The following CD84 variants were observed in gnomAD, a reference collection of about 807,000 sequenced individuals.
The protein encoded by CD84 is SLAM family member 5.
Under a neutral mutation model 33.8 loss-of-function variants are expected in CD84, and 22 were observed. That is an observed-to-expected ratio of 0.65 (90% CI 0.46 to 0.93). The LOEUF is 0.93. Among genes scored for constraint, CD84 ranks in the 40% least tolerant of loss-of-function variants. CD84 has a pLI of 0.00. For synonymous variants in CD84, 154 were observed against 145.2 expected (o/e 1.06, Z -0.44); for missense variants, 400 against 397.6 (o/e 1.01, Z -0.05).
At chr1:160,556,797 T>A (rs956193152) in intron 2 of CD84, among the ~76,000 whole-genome samples, 3 of 152,216 alleles carry the variant, frequency 2.0e-5, no homozygotes, top group Non-Finnish European at 2.9e-5. Flanking sequence ...TGTGTCCTAA[T>A]TGCACGTGGT....
chr1:160,554,698 T>C (rs981959697), intron 2 of CD84, among the ~76,000 whole-genome samples: 4 of 152,230 alleles, frequency 2.6e-5, no homozygotes, highest in African/African-American at 9.6e-5. Flanking sequence ...GAAGCTCCAA[T>C]ATATATGTCT....
intron 1 of CD84, chr1:160,571,250 G>GA (rs1482854604): frequency 6.6e-6 from 1 of 152,022 alleles, no homozygotes; most frequent in African/African-American, 2.4e-5. Context: ...GAGTAAGCCT[G>GA]AAGTCCACGA....
chr1:160,553,249 G>T (rs1267237846), intron 4 of CD84, 129 bp downstream of exon 4: 1 of 1,420,770 alleles, frequency 7.0e-7, no homozygotes, highest in Admixed American at 1.9e-5. Flanking sequence ...GGGAGGTGGT[G>T]GGGTGGAGAT....
chr1:160,579,303 A>G (rs1301261032), intron 1 of CD84, 89 bp downstream of exon 1: 1 of 1,585,086 alleles, frequency 6.3e-7, no homozygotes, highest in African/African-American at 1.3e-5. Flanking sequence ...CTAAACACAG[A>G]TCAAAAAGAC....
chr1:160,575,454 C>A (rs1657939801), intron 1 of CD84, among the ~76,000 whole-genome samples: 1 of 151,356 alleles, frequency 6.6e-6, no homozygotes, highest in African/African-American at 2.4e-5. Flanking sequence ...TTTATATCAC[C>A]TTTATTGGGA....
At position 160,542,358 on chromosome 1, in the gene CD84, A is replaced by G. The variant is rs1655584889; in HGVS notation, c.*5898T>C. On this transcript the variant is annotated 3_prime_UTR_variant, in exon 7 of 7. Transcript: ENST00000368054. The stretch of plus-strand genomic sequence containing the variant: ...ATGTTAATTATTTTGATTATGGTGG[A>G]TCATTAGCATAGGAAAAACACAAGG... 6.6e-6 allele frequency: 1 copy of G among 152,248 alleles called. No individual in the cohort carries two copies. Among genetic ancestry groups the G allele is most frequent in the African/African-American group, 2.4e-5 (1 of 41,462 alleles). 9.4% of individuals were successfully genotyped at this position (152,248 alleles called of 1,614,324 possible). A position where few individuals can be genotyped will look rare whatever the true frequency, so the allele number is the denominator to read the frequency against.
Position 160,544,050 on chromosome 1 carries a change from C to T in CD84, c.*4206G>A, listed in dbSNP as rs532912075. 1.3e-5 allele frequency: 2 copies of T among 151,982 alleles called. No homozygotes were observed. The highest frequency in any genetic ancestry group is 4.2e-4 in the South Asian group (2 of 4,816). The allele number at this position is 151,982 out of a possible 1,614,324, so 9.4% of individuals were successfully genotyped here. On this transcript the variant is annotated 3_prime_UTR_variant, in exon 7 of 7. Transcript: ENST00000368054. ...AAGTAACTTGCCTAAGGTCACATGA[C>T]TAAGAAACCAGGATGCAGACCCAGG...
chr1:160,578,921 G>A (rs1315429481), intron 1 of CD84, among the ~76,000 whole-genome samples: 1 of 152,086 alleles, frequency 6.6e-6, no homozygotes, highest in African/African-American at 2.4e-5. Flanking sequence ...ATAGAGATGA[G>A]GCTCAACAAT....
chr1:160,553,145 C>A, intron 4 of CD84: 1 of 677,432 alleles, frequency 1.5e-6, no homozygotes. Flanking sequence ...AAGCTCGAAC[C>A]CATGTTCTGG....
chr1:160,576,322 T>C (rs991907930), intron 1 of CD84, among the ~76,000 whole-genome samples: 29 of 152,204 alleles, frequency 1.9e-4, no homozygotes, highest in African/African-American at 7.0e-4. Flanking sequence ...CATGCTGATA[T>C]TGGACTTTTA....
chr1:160,564,028 C>A (rs1363324345), intron 2 of CD84, among the ~76,000 whole-genome samples: 1 of 152,084 alleles, frequency 6.6e-6, no homozygotes, highest in Non-Finnish European at 1.5e-5. Flanking sequence ...AGGGGGAGGA[C>A]CTGAACATTC....
Position 160,544,696 on chromosome 1 carries a change from C to T in CD84, c.*3560G>A, listed in dbSNP as rs1385653527. On this transcript the variant is annotated 3_prime_UTR_variant, in exon 7 of 7. Transcript: ENST00000368054. The stretch of plus-strand genomic sequence containing the variant: ...CCCAACCAGGCTATTCCCTCATAGC[C>T]TGTGTAGTTTACAGTGTTCTACAGA... The T allele has an allele frequency of 6.6e-6, 1 of 152,122 alleles. No homozygotes were observed. The highest frequency in any genetic ancestry group is 1.5e-5 in the Non-Finnish European group (1 of 68,036). The allele number at this position is 152,122 out of a possible 1,614,324, so 9.4% of individuals were successfully genotyped here.
At chr1:160,567,459 A>G (rs1482619715) in intron 1 of CD84, among the ~76,000 whole-genome samples, 1 of 152,156 alleles carries the variant, frequency 6.6e-6, no homozygotes, top group Non-Finnish European at 1.5e-5. Flanking sequence ...AGTACAGAAG[A>G]TACAACAGGG....
At position 160,552,909 on chromosome 1, in the gene CD84, A is replaced by G. The variant is rs541088488; in HGVS notation, c.760+469T>C. On this transcript the variant is annotated intron_variant, in intron 4 of 6. Coordinates refer to ENST00000368054, the MANE Select transcript of CD84 (RefSeq NM_003874.4). ...TCAGGTTTTCTGAATGGAGAATGGC[A>G]CAACTACAGAATGATCCAGAGGGAT... The G allele has an allele frequency of 9.5e-6, 6 of 629,192 alleles. 1 individual carries two copies. Among genetic ancestry groups the G allele is most frequent in the Middle Eastern group, 2.5e-4 (1 of 4,002 alleles). 39.0% of individuals were successfully genotyped at this position (629,192 alleles called of 1,614,324 possible).
At chr1:160,571,026 T>C (rs2102199212) in intron 1 of CD84, 1 of 152,300 alleles carries the variant, frequency 6.6e-6, no homozygotes, top group East Asian at 1.9e-4. Flanking sequence ...AGCAGGAAGA[T>C]AGAAGTTGGA....
intron 2 of CD84, among the ~76,000 whole-genome samples, chr1:160,555,325 C>G (rs1313287602): frequency 1.3e-5 from 2 of 152,038 alleles, no homozygotes; most frequent in Admixed American, 1.3e-4. Context: ...CCTCGTGATC[C>G]ACCCGCCTCG....
intron 2 of CD84, among the ~76,000 whole-genome samples, chr1:160,554,881 C>T (rs1325396167): frequency 7.1e-6 from 1 of 141,690 alleles, no homozygotes; most frequent in African/African-American, 3.2e-5. Flanking sequence ...TCCTCTAGTG[C>T]CCTCTCAGCA....
chr1:160,577,450 T>A (rs575654902), intron 1 of CD84, among the ~76,000 whole-genome samples: 1 of 152,202 alleles, frequency 6.6e-6, no homozygotes, highest in Admixed American at 6.6e-5. Context: ...AAAGTACTCC[T>A]GGCTTCACTT....
At chr1:160,576,293 T>A (rs897347685) in intron 1 of CD84, among the ~76,000 whole-genome samples, 4 of 152,218 alleles carry the variant, frequency 2.6e-5, no homozygotes, top group African/African-American at 9.6e-5. Flanking sequence ...ATGTTTAACA[T>A]CCAACAAGAC....
Sources: allele counts gnomAD v4.1 joint callset (sites outside exome capture counted in the v4.1 genomes callset), GRCh38; gene constraint gnomAD v4.1.1; transcripts MANE v1.5; gene names NCBI Gene and HGNC (gene_info 2026-07-23, HGNC 2026-07-21).